The following ZNF592 variants were observed in gnomAD, a reference collection of about 807,000 sequenced individuals.
ZNF592 encodes the protein zinc finger protein 592, also known as spinocerebellar ataxia, autosomal recessive 5.
In ZNF592, 11 loss-of-function variants were observed where a neutral mutation model predicts 80.3. The ratio of observed to expected loss-of-function variants is 0.14; its 90% confidence interval spans 0.09 to 0.23. ZNF592 has a LOEUF of 0.23. Among genes scored for constraint, ZNF592 ranks in the 10% least tolerant of loss-of-function variants. The pLI, the probability that ZNF592 is intolerant of heterozygous loss-of-function variation, is 1.00. For synonymous variants in ZNF592, 646 were observed against 640.3 expected (o/e 1.01, Z -0.13); for missense variants, 1,420 against 1,633.9 (o/e 0.87, Z 2.26).
intron 3 of ZNF592, among the ~76,000 whole-genome samples, chr15:84,780,033 C>A (rs1038683359): frequency 2.1e-5 from 3 of 142,336 alleles, no homozygotes; most frequent in African/African-American, 7.9e-5. Flanking sequence ...ATTGCCCAGG[C>A]TGGAGTGCAG....
rs745524420 is a variant in ZNF592 at position 84,784,599 on chromosome 15, A to C, written c.1924A>C (p.Lys642Gln). The C allele has an allele frequency of 3.7e-6, 6 of 1,614,206 alleles. No homozygotes were observed. The highest frequency in any genetic ancestry group is 5.1e-6 in the Non-Finnish European group (6 of 1,180,040). ...CCGGCACGCCCGTGACCACAAGAGC[A>C]AGGGGCTCGTCATGCAGTGTTCCCA... ...LLRHARDHKS[K>Q]GLVMQCSQLL... The change falls in exon 4 of 11, where the codon AAG (lysine) becomes CAG (glutamine). Residue 642 changes from lysine to glutamine, a missense_variant. Coordinates refer to ENST00000560079, the MANE Select transcript of ZNF592 (RefSeq NM_014630.3). This position sits in a 1 kb window ranked among gnomAD's most constrained non-coding sequence, Gnocchi z 5.8.
At position 84,784,289 on chromosome 15, in the gene ZNF592, G is replaced by A. The variant is rs1962518957; in HGVS notation, c.1614G>A (p.Val538=). Reference sequence around the variant, plus strand: ...AGCCACAGCTTACACAAATGTCGGTGCCCCTGGTCCACCAGGTGAAAAAGG... The same window carrying A: ...AGCCACAGCTTACACAAATGTCGGTACCCCTGGTCCACCAGGTGAAAAAGG... ...RSQPQLTQMS[V]PLVHQVKKAA... Residue 538 remains valine (V), a synonymous_variant, in exon 4 of 11, where the codon GTG becomes GTA. Transcript: ENST00000560079. This position sits in a 1 kb window ranked among gnomAD's most constrained non-coding sequence, Gnocchi z 5.8. 6.2e-7 allele frequency: 1 copy of A among 1,614,132 alleles called. No individual in the cohort carries two copies. Among genetic ancestry groups the A allele is most frequent in the South Asian group, 1.1e-5 (1 of 91,092 alleles).
At chr15:84,764,904 T>TG (rs1899459394) in intron 2 of ZNF592, 89 bp downstream of exon 2, 1 of 287,114 alleles carries the variant, frequency 3.5e-6, no homozygotes, top group South Asian at 2.4e-4. Flanking sequence ...TGTTTTGTTT[T>TG]GTTTTGTTTT....
intron 5 of ZNF592, among the ~76,000 whole-genome samples, chr15:84,794,436 TC>T (rs1359052231): frequency 1.3e-5 from 2 of 152,114 alleles, no homozygotes; most frequent in African/African-American, 4.8e-5. Context: ...GTATCTTGTT[TC>T]CCTGATGGTT....
At chr15:84,792,518 G>A (rs1036749793) in intron 5 of ZNF592, among the ~76,000 whole-genome samples, 9 of 151,712 alleles carry the variant, frequency 5.9e-5, no homozygotes, top group East Asian at 3.9e-4. Context: ...TGGTGTGATC[G>A]TGGCTCACTG....
Position 84,775,981 on chromosome 15 carries a change from A to G in ZNF592, c.-149-2202A>G, listed in dbSNP as rs569768650. ...GAGAGGGTATAGTTGTCAATCTGCC[A>G]GTCTTAGAGTTGTTCTTTACCCCCA... On this transcript the variant is annotated intron_variant, in intron 2 of 10. Coordinates refer to ENST00000560079, the MANE Select transcript of ZNF592 (RefSeq NM_014630.3). Among the ~76,000 whole-genome samples the G allele has an allele frequency of 3.3e-4, 50 of 152,358 alleles. 1 individual carries two copies. In the South Asian group the frequency reaches 9.5e-3, roughly 29 times the overall value.
intron 2 of ZNF592, among the ~76,000 whole-genome samples, chr15:84,773,185 C>T (rs889498673): frequency 3.2e-4 from 47 of 147,720 alleles, no homozygotes; most frequent in Non-Finnish European, 5.5e-4. Flanking sequence ...TCTTTTATTT[C>T]TTTTTTTAAC....
At chr15:84,759,784 A>T (rs1390761589) in intron 1 of ZNF592, among the ~76,000 whole-genome samples, 1 of 152,206 alleles carries the variant, frequency 6.6e-6, no homozygotes, top group African/African-American at 2.4e-5. Flanking sequence ...ACATTCATTC[A>T]TATCAGTTCC....
intron 1 of ZNF592, among the ~76,000 whole-genome samples, chr15:84,762,208 A>G (rs2141965359): frequency 6.6e-6 from 1 of 152,358 alleles, no homozygotes; most frequent in East Asian, 1.9e-4. Flanking sequence ...TATAGGGCTC[A>G]TTCTGGTTTG....
chr15:84,775,753 C>T (rs1471361156), intron 2 of ZNF592, among the ~76,000 whole-genome samples: 1 of 152,036 alleles, frequency 6.6e-6, no homozygotes, highest in East Asian at 1.9e-4. Flanking sequence ...TTTATACCCT[C>T]AAATAATTCC....
At chr15:84,770,784 CA>C (rs988206362) in intron 2 of ZNF592, among the ~76,000 whole-genome samples, 73 of 152,132 alleles carry the variant, frequency 4.8e-4, no homozygotes, top group Non-Finnish European at 1.5e-4. Context: ...ATTTTTAAGT[CA>C]TTCCCCATGT....
In ZNF592 at chr15:84,803,887, G is replaced by A. The variant is rs961194548; in HGVS notation, c.*1494G>A. 2.0e-5 allele frequency: 3 copies of A among 152,276 alleles called. No individual in the cohort carries two copies. The highest frequency in any genetic ancestry group is 7.2e-5 in the African/African-American group (3 of 41,452). The allele number at this position is 152,276 out of a possible 1,614,324, so 9.4% of individuals were successfully genotyped here. On this transcript the variant is annotated 3_prime_UTR_variant, in exon 11 of 11. Coordinates refer to ENST00000560079, the MANE Select transcript of ZNF592 (RefSeq NM_014630.3). ...TCTAACCCAGGTGGCATGGGGTTGCGCCCAGCAGGATGTAGTGGAGTAAAG... is the reference window on the plus strand; with the variant it reads ...TCTAACCCAGGTGGCATGGGGTTGCACCCAGCAGGATGTAGTGGAGTAAAG...
At chr15:84,753,395 A>G (rs1048833482) in intron 1 of ZNF592, 4 of 152,232 alleles carry the variant, frequency 2.6e-5, no homozygotes, top group African/African-American at 7.2e-5. Context: ...TCTTCCCTAC[A>G]CATTGGAGAC....
chr15:84,797,781 C>T (rs1304627193), intron 5 of ZNF592, 88 bp from the exon 6 acceptor site: 10 of 1,488,230 alleles, frequency 6.7e-6, no homozygotes, highest in Non-Finnish European at 7.5e-6. Flanking sequence ...TTCTGTTCCT[C>T]TTCTCCATCC....
At chr15:84,753,926 A>G (rs982012169) in intron 1 of ZNF592, among the ~76,000 whole-genome samples, 4 of 152,248 alleles carry the variant, frequency 2.6e-5, no homozygotes, top group African/African-American at 7.2e-5. Flanking sequence ...CATCTGGTCC[A>G]GCGGCCTCCC....
At chr15:84,769,234 C>T (rs1450246078) in intron 2 of ZNF592, among the ~76,000 whole-genome samples, 1 of 152,102 alleles carries the variant, frequency 6.6e-6, no homozygotes, top group Non-Finnish European at 1.5e-5. Flanking sequence ...AGCCACTGTG[C>T]CTGGCCTGTT....
At position 84,799,805 on chromosome 15, in the gene ZNF592, C is replaced by T. The variant is rs369088936; in HGVS notation, c.3138-37C>T. 251 of 1,612,554 alleles carry T rather than the reference C, an allele frequency of 1.6e-4. 1 individual carries two copies. Among genetic ancestry groups the T allele is most frequent in the South Asian group, 1.5e-3 (134 of 91,064 alleles). ...AATAGCACTGAGGGAGCCTGCGGCCCGGGCACTTACCTGACCTCTCCGCTG... is the reference window on the plus strand; with the variant it reads ...AATAGCACTGAGGGAGCCTGCGGCCTGGGCACTTACCTGACCTCTCCGCTG... On this transcript the variant is annotated intron_variant, in intron 9 of 10. Coordinates refer to ENST00000560079, the MANE Select transcript of ZNF592 (RefSeq NM_014630.3). This position sits in a 1 kb window ranked among gnomAD's most constrained non-coding sequence, Gnocchi z 4.2.
Position 84,784,833 on chromosome 15 carries a change from A to T in ZNF592, c.2158A>T (p.Met720Leu). The T allele has an allele frequency of 1.2e-6, 2 of 1,614,100 alleles. No individual in the cohort carries two copies. The highest frequency in any genetic ancestry group is 1.7e-6 in the Non-Finnish European group (2 of 1,180,022). The change falls in exon 4 of 11, where the codon ATG (methionine) becomes TTG (leucine). Residue 720 changes from methionine (M) to leucine (L), a missense_variant. Met to Leu is a conservative substitution (Grantham distance 15). Around this residue, in one of 7 missense-constraint regions of ZNF592, gnomAD observed 524 missense variants for 628.3 expected, o/e 0.83. Transcript: ENST00000560079. The surrounding 1 kb of genome is among the most constrained non-coding windows in gnomAD (Gnocchi z 5.8). ...SIKCLECHKQ[M>L]RDYMVLAAHF... ...CAAGTGTCTTGAATGTCACAAGCAG[A>T]TGCGGGACTACATGGTCCTGGCTGC... is the stretch of plus-strand genomic sequence containing the variant.
chr15:84,760,496 C>T (rs1899318407), intron 1 of ZNF592, among the ~76,000 whole-genome samples: 1 of 152,192 alleles, frequency 6.6e-6, no homozygotes, highest in Admixed American at 6.5e-5. Flanking sequence ...GGATTATCAG[C>T]TCTACATGGG....
Sources: allele counts gnomAD v4.1 joint callset (sites outside exome capture counted in the v4.1 genomes callset), GRCh38; gene constraint gnomAD v4.1.1; regional missense constraint gnomAD v4.1.1; non-coding constraint Gnocchi (gnomAD v3.1); transcripts MANE v1.5; gene names NCBI Gene and HGNC (gene_info 2026-07-23, HGNC 2026-07-21).